MEGF9: variants seen among roughly 807,000 people sequenced by gnomAD.
MEGF9 encodes multiple EGF like domains 9.
Under a neutral mutation model 46.8 loss-of-function variants are expected in MEGF9, and 6 were observed. The observed-to-expected ratio is 0.13, with a 90% CI of 0.07 to 0.25. The LOEUF is 0.25. MEGF9 is among the 10% of genes least tolerant of loss of function. The pLI, the probability that MEGF9 is intolerant of heterozygous loss-of-function variation, is 1.00. For synonymous variants in MEGF9, 302 were observed against 330.7 expected, an observed-to-expected ratio of 0.91 and a Z score of 0.94; for missense variants, 683 against 792.4, an observed-to-expected ratio of 0.86 and a Z score of 1.66.
intron 3 of MEGF9, among the ~76,000 whole-genome samples, chr9:120,618,961 C>A (rs970431092): frequency 1.3e-5 from 2 of 151,562 alleles, no homozygotes; most frequent in African/African-American, 2.4e-5. Flanking sequence ...AGGGGTTTGG[C>A]TTTTGTTTTT....
intron 2 of MEGF9, among the ~76,000 whole-genome samples, chr9:120,626,797 C>T (rs929545734): frequency 7.9e-5 from 12 of 152,176 alleles, no homozygotes; most frequent in Non-Finnish European, 1.3e-4. Context: ...TCTATCTTGG[C>T]CTCTGTATTC....
chr9:120,712,857 T>C (rs189009668), intron 1 of MEGF9, among the ~76,000 whole-genome samples: 1 of 152,354 alleles, frequency 6.6e-6, no homozygotes, highest in African/African-American at 2.4e-5. Flanking sequence ...TTTGTTTTAG[T>C]CCTAGGCCCA....
Position 120,713,967 on chromosome 9 carries a change from T to C in MEGF9, c.392A>G (p.Glu131Gly). Residue 131 changes from glutamate to glycine, a missense_variant, in exon 1 of 6, where the codon GAA (glutamate) becomes GGA (glycine). This residue lies in a region of MEGF9 where 370 missense variants were observed against 371.3 expected (regional missense o/e 1.00). Transcript: ENST00000373930. Reference protein sequence around the residue: ...GPSPTTPPAAERTSTTSQAPT... With the variant: ...GPSPTTPPAAGRTSTTSQAPT... ...CGCCTGAGAGGTGGTCGAAGTGCGT[T>C]CCGCCGCCGGAGGGGTGGTCGGCGA... is the stretch of plus-strand genomic sequence containing the variant. The C allele has an allele frequency of 7.3e-7, 1 of 1,379,132 alleles. No individual in the cohort carries two copies. 85.4% of individuals were successfully genotyped at this position (1,379,132 alleles called of 1,614,324 possible).
At chr9:120,646,633 TTA>T (rs2043627530) in intron 2 of MEGF9, among the ~76,000 whole-genome samples, 1 of 152,200 alleles carries the variant, frequency 6.6e-6, no homozygotes, top group African/African-American at 2.4e-5. Flanking sequence ...TCTTAACATT[TTA>T]TCTTTATACT....
At chr9:120,615,202 G>A (rs2043465861) in intron 3 of MEGF9, among the ~76,000 whole-genome samples, 1 of 151,560 alleles carries the variant, frequency 6.6e-6, no homozygotes, top group African/African-American at 2.4e-5. Flanking sequence ...TCACACAATT[G>A]CAATCCAGCC....
intron 4 of MEGF9, 143 bp from the exon 5 acceptor site, chr9:120,608,153 A>C: frequency 4.5e-6 from 4 of 893,068 alleles, no homozygotes; most frequent in Non-Finnish European, 6.8e-6. Context: ...CAGGAGTTTG[A>C]GACCAGCCTG....
intron 1 of MEGF9, among the ~76,000 whole-genome samples, chr9:120,694,802 T>C (rs2043867196): frequency 6.6e-6 from 1 of 152,172 alleles, no homozygotes. Flanking sequence ...TGTTTCTAGA[T>C]AGGAAGAAGA....
intron 1 of MEGF9, among the ~76,000 whole-genome samples, chr9:120,674,953 A>C (rs909288087): frequency 6.7e-6 from 1 of 149,346 alleles, no homozygotes; most frequent in Non-Finnish European, 1.5e-5. Context: ...ATCTCGGCTC[A>C]CTGCAAGCTC....
chr9:120,626,919 A>T (rs937670255), intron 2 of MEGF9, among the ~76,000 whole-genome samples: 10 of 152,220 alleles, frequency 6.6e-5, no homozygotes, highest in Admixed American at 5.9e-4. Flanking sequence ...AAATGAAAGC[A>T]ACTATGGACA....
intron 3 of MEGF9, among the ~76,000 whole-genome samples, chr9:120,620,824 G>A (rs1182782557): frequency 1.3e-5 from 2 of 150,684 alleles, no homozygotes; most frequent in African/African-American, 4.9e-5. Flanking sequence ...GATAAAACTG[G>A]CAAATAGGCA....
chr9:120,641,895 G>A lies in MEGF9; in HGVS notation c.803+17479C>T, dbSNP rs577112549. 2.0e-5 allele frequency among the ~76,000 whole-genome samples: 3 copies of A among 152,228 alleles called. No homozygotes were observed. The East Asian group carries it at 5.8e-4, about 29-fold the overall frequency. On this transcript the variant is annotated intron_variant, in intron 2 of 5. Coordinates refer to ENST00000373930, the MANE Select transcript of MEGF9 (RefSeq NM_001080497.3). ...CTCAGCGGTCTGTCAAGTCCCATTT[G>A]CTACTGGTTCCTTTGTCCTCAGTCC... is the stretch of plus-strand genomic sequence containing the variant.
chr9:120,649,650 T>G (rs2043641200), intron 2 of MEGF9, among the ~76,000 whole-genome samples: 1 of 152,238 alleles, frequency 6.6e-6, no homozygotes, highest in Admixed American at 6.5e-5. Flanking sequence ...CATATATGTA[T>G]AGTTCACATT....
At chr9:120,640,213 A>G (rs1057140949) in intron 2 of MEGF9, among the ~76,000 whole-genome samples, 5 of 152,182 alleles carry the variant, frequency 3.3e-5, no homozygotes, top group African/African-American at 4.8e-5. Flanking sequence ...TTCAGCCACA[A>G]TGACTTTGCT....
chr9:120,634,515 C>T (rs1337313524), intron 2 of MEGF9, among the ~76,000 whole-genome samples: 6 of 103,118 alleles, frequency 5.8e-5, no homozygotes, highest in African/African-American at 9.9e-5. Context: ...AGTGCAGTGG[C>T]GCAATCTTGG....
intron 1 of MEGF9, among the ~76,000 whole-genome samples, chr9:120,686,918 G>C (rs1408259684): frequency 6.6e-6 from 1 of 152,086 alleles, no homozygotes; most frequent in Non-Finnish European, 1.5e-5. Context: ...TGAACAAAAA[G>C]GAAACAGGTG....
At chr9:120,665,692 C>T (rs1265562118) in intron 1 of MEGF9, among the ~76,000 whole-genome samples, 4 of 152,048 alleles carry the variant, frequency 2.6e-5, no homozygotes, top group African/African-American at 9.7e-5. Flanking sequence ...AAAGCAGTTC[C>T]CCTGTGTTTT....
intron 3 of MEGF9, among the ~76,000 whole-genome samples, chr9:120,621,818 G>A (rs2043500498): frequency 6.6e-6 from 1 of 152,144 alleles, no homozygotes; most frequent in Non-Finnish European, 1.5e-5. Flanking sequence ...AATCCAATCA[G>A]AAGGTGAGGC....
At chr9:120,690,960 G>A (rs1272805687) in intron 1 of MEGF9, among the ~76,000 whole-genome samples, 1 of 152,124 alleles carries the variant, frequency 6.6e-6, no homozygotes, top group Non-Finnish European at 1.5e-5. Flanking sequence ...TGTATGGAAT[G>A]AGCATGGTTC....
chr9:120,620,438 GA>G (rs541794923), intron 3 of MEGF9, among the ~76,000 whole-genome samples: 2 of 147,918 alleles, frequency 1.4e-5, no homozygotes, highest in Non-Finnish European at 1.5e-5. Context: ...ATACAATGGT[GA>G]AAAAAAAAAG....
Sources: gnomAD v4.1 joint callset for allele counts (sites outside exome capture counted in the v4.1 genomes callset) on GRCh38, gnomAD v4.1.1 for gene constraint, gnomAD v4.1.1 regional missense constraint, MANE v1.5 for transcripts, NCBI Gene and HGNC (gene_info 2026-07-23, HGNC 2026-07-21) for gene names.